Variants in SSPN observed in about 807,000 individuals in gnomAD.
SSPN encodes K-ras oncogene-associated protein.
Under a neutral mutation model 19.1 loss-of-function variants are expected in SSPN, and 15 were observed. That is an observed-to-expected ratio of 0.78 (90% confidence interval 0.52 to 1.21). The LOEUF (loss-of-function observed/expected upper bound fraction) is 1.21, where lower values mean the gene tolerates loss of function less well. SSPN is among the 50% of genes most tolerant of loss of function. SSPN has a pLI of 0.00. For missense variants in SSPN, 291 were observed against 314.0 expected, an observed-to-expected ratio of 0.93 and a Z score of 0.55; for synonymous variants, 147 against 140.3, an observed-to-expected ratio of 1.05 and a Z score of -0.34.
At chr12:26,229,084 T>G (rs1446435913) in intron 2 of SSPN, among the ~76,000 whole-genome samples, 2 of 152,240 alleles carry the variant, frequency 1.3e-5, no homozygotes, top group African/African-American at 2.4e-5. Context: ...CCCTGAGATA[T>G]AAGATGTTTC....
intron 1 of SSPN, among the ~76,000 whole-genome samples, chr12:26,132,055 T>C (rs1386193416): frequency 3.3e-5 from 5 of 152,126 alleles, no homozygotes; most frequent in Non-Finnish European, 5.9e-5. Flanking sequence ...AGAGGGTTGA[T>C]GTTTAGAGGA....
chr12:26,133,745 T>C (rs1007811872), intron 1 of SSPN, among the ~76,000 whole-genome samples: 3 of 152,200 alleles, frequency 2.0e-5, no homozygotes, highest in African/African-American at 4.8e-5. Context: ...GGGAGAAATA[T>C]GGTGTGTCTC....
intron 1 of SSPN, among the ~76,000 whole-genome samples, chr12:26,203,872 TG>T (rs1944907335): frequency 6.6e-6 from 1 of 152,198 alleles, no homozygotes; most frequent in Admixed American, 6.5e-5. Context: ...TGTGCTCACA[TG>T]GTCTTTTCTC....
intron 1 of SSPN, among the ~76,000 whole-genome samples, chr12:26,158,239 T>A (rs1944567400): frequency 6.6e-6 from 1 of 152,186 alleles, no homozygotes; most frequent in African/African-American, 2.4e-5. Flanking sequence ...TCCTTCTTTC[T>A]TTCTTTTCCT....
In SSPN at chr12:26,195,597, G is replaced by A; in HGVS notation, c.-76G>A. ...CATAATTCGAATACCAGGGCAGGCC[G>A]AGCCAGCCGTGCGCCGCGCTCCAGG... On this transcript the variant is annotated 5_prime_UTR_variant, in exon 1 of 3. Transcript: ENST00000242729. 3.0e-6 allele frequency: 4 copies of A among 1,336,038 alleles called. No homozygotes were observed. The highest frequency in any genetic ancestry group is 4.1e-5 in the Admixed American group (1 of 24,100). 82.8% of individuals were successfully genotyped at this position (1,336,038 alleles called of 1,614,324 possible). A position where few individuals can be genotyped will look rare whatever the true frequency, so the allele number is the denominator to read the frequency against.
chr12:26,229,051 A>G lies in SSPN; in HGVS notation c.367-1660A>G, dbSNP rs77163082. Among the ~76,000 whole-genome samples the G allele has an allele frequency of 1.9e-3, 290 of 152,298 alleles. 1 individual carries two copies. Among genetic ancestry groups the G allele is most frequent in the African/African-American group, 6.6e-3 (273 of 41,560 alleles). Reference sequence around the variant, plus strand: ...TTCCCTTCCTCCAAGGAACACTAATATTGAGTATAATCATTGTTATGTCCC... The same window carrying G: ...TTCCCTTCCTCCAAGGAACACTAATGTTGAGTATAATCATTGTTATGTCCC... On this transcript the variant is annotated intron_variant, in intron 2 of 2. Coordinates refer to ENST00000242729, the MANE Select transcript of SSPN (RefSeq NM_005086.5).
chr12:26,158,003 CT>C (rs1034923294), intron 1 of SSPN, among the ~76,000 whole-genome samples: 1,879 of 149,154 alleles, frequency 0.013, 39 homozygotes, highest in African/African-American at 0.044. Context: ...TTACTTTTGT[CT>C]TTTTTTTTTC....
At chr12:26,167,667 T>C (rs1335439027) in intron 1 of SSPN, among the ~76,000 whole-genome samples, 1 of 152,242 alleles carries the variant, frequency 6.6e-6, no homozygotes, top group African/African-American at 2.4e-5. Context: ...ACTCTCTCTC[T>C]CTCTGAAGAG....
chr12:26,178,973 A>G (rs1124417), intron 1 of SSPN, among the ~76,000 whole-genome samples: 85,980 of 152,058 alleles, frequency 0.57, 25,875 homozygotes, highest in African/African-American at 0.78. Context: ...AGAGCTCAGC[A>G]CCCCACAGCT....
chr12:26,220,557 T>C (rs898792903), intron 1 of SSPN, among the ~76,000 whole-genome samples: 2 of 152,244 alleles, frequency 1.3e-5, no homozygotes, highest in Admixed American at 1.3e-4. Context: ...GGCCCTTTTC[T>C]GTTTTCAGAC....
At chr12:26,209,128 G>C (rs887108607) in intron 1 of SSPN, among the ~76,000 whole-genome samples, 1 of 151,716 alleles carries the variant, frequency 6.6e-6, no homozygotes, top group Non-Finnish European at 1.5e-5. Context: ...TAATTTCCTG[G>C]GATTTGTACT....
chr12:26,186,614 T>G (rs1218757492), intron 1 of SSPN, among the ~76,000 whole-genome samples: 1 of 152,270 alleles, frequency 6.6e-6, no homozygotes, highest in Non-Finnish European at 1.5e-5. Flanking sequence ...CACTTTCTTT[T>G]GCTTCTGCAG....
intron 1 of SSPN, among the ~76,000 whole-genome samples, chr12:26,145,082 G>A (rs1235220196): frequency 6.6e-6 from 1 of 152,196 alleles, no homozygotes; most frequent in African/African-American, 2.4e-5. Context: ...TTTGGTCTAT[G>A]TAACCAGCTG....
Position 26,195,834 on chromosome 12 carries a change from G to A in SSPN, c.162G>A (p.Leu54=). 6.5e-7 allele frequency: 1 copy of A among 1,540,412 alleles called. No individual in the cohort carries two copies. The highest frequency in any genetic ancestry group is 2.5e-5 in the East Asian group (1 of 39,410). ...PRTCCGCRFP[L]LLALLQLALG... ...CCTGCTGCGGCTGCCGGTTCCCGCT[G>A]CTGCTCGCCCTGCTGCAGCTGGCCC... Residue 54 remains leucine (L), a synonymous_variant, in exon 1 of 3, where the codon CTG becomes CTA. Transcript: ENST00000242729.
chr12:26,172,528 A>G (rs1944659700), intron 1 of SSPN, among the ~76,000 whole-genome samples: 2 of 152,210 alleles, frequency 1.3e-5, no homozygotes, highest in African/African-American at 2.4e-5. Context: ...ATTATCTCCT[A>G]TTAGATGCTA....
At chr12:26,170,596 C>T (rs2137432480) in intron 1 of SSPN, among the ~76,000 whole-genome samples, 1 of 152,326 alleles carries the variant, frequency 6.6e-6, no homozygotes, top group East Asian at 1.9e-4. Context: ...TTATATGCTT[C>T]ACCTCTTGTT....
chr12:26,230,544 C>T (rs1442614636), intron 2 of SSPN, among the ~76,000 whole-genome samples, 167 bp from the exon 3 acceptor site: 1 of 152,194 alleles, frequency 6.6e-6, no homozygotes, highest in Non-Finnish European at 1.5e-5. Context: ...AATAAATAAA[C>T]ATGGAGCTAT....
At chr12:26,208,801 G>A (rs777009341) in intron 1 of SSPN, among the ~76,000 whole-genome samples, 9 of 152,108 alleles carry the variant, frequency 5.9e-5, no homozygotes, top group Middle Eastern at 3.4e-3. Flanking sequence ...TTTTAGCACC[G>A]TTTAATAAAT....
rs35349803 is a variant in SSPN at position 26,137,636 on chromosome 12, G to GTATATATATATATATATATATA, written c.-31+15505_-31+15506insATATATATATATATATATATAT. Among the ~76,000 whole-genome samples, 17 of 31,378 alleles carry GTATATATATATATATATATATA rather than the reference G, an allele frequency of 5.4e-4. 1 individual carries two copies. Among genetic ancestry groups the GTATATATATATATATATATATA allele is most frequent in the African/African-American group, 1.6e-3 (13 of 7,968 alleles). 20.6% of individuals were successfully genotyped at this position (31,378 alleles called of 152,430 possible). ...CATATATATGTGTGTGTGTGTGTAT[G>GTATATATATATATATATATATA]TATATATATATATATATATATTTTT... On this transcript the variant is annotated intron_variant, in intron 1 of 2. Transcript: ENST00000538142.
Sources: gnomAD v4.1 joint callset for allele counts (sites outside exome capture counted in the v4.1 genomes callset) on GRCh38, gnomAD v4.1.1 for gene constraint, MANE v1.5 for transcripts, NCBI Gene and HGNC (gene_info 2026-07-23, HGNC 2026-07-21) for gene names.